Variants in NRXN3 observed in about 807,000 individuals in gnomAD.
NRXN3 encodes neurexin 3.
NRXN3 carries 32 observed loss-of-function variants against 137.6 expected under a neutral mutation model. The ratio of observed to expected loss-of-function variants is 0.23; its 90% CI spans 0.18 to 0.31. The LOEUF (loss-of-function observed/expected upper bound fraction) is 0.31. Among genes scored for constraint, NRXN3 ranks in the 10% least tolerant of loss-of-function variants. The pLI is 1.00. For synonymous variants in NRXN3, 798 were observed against 784.5 expected (o/e 1.02, Z -0.29); for missense variants, 1,574 against 2,062.5 (o/e 0.76, Z 4.59).
intron 16 of NRXN3, among the ~76,000 whole-genome samples, chr14:79,535,197 T>C (rs2097200623): frequency 6.6e-6 from 1 of 152,140 alleles, no homozygotes; most frequent in Admixed American, 6.5e-5. Flanking sequence ...GTGGAAAGAA[T>C]TATGAAATAA....
At chr14:78,852,392 T>A (rs1021136337) in intron 10 of NRXN3, among the ~76,000 whole-genome samples, 5 of 152,216 alleles carry the variant, frequency 3.3e-5, no homozygotes. Flanking sequence ...CTTATTACTA[T>A]AATGACATGA....
Position 78,969,817 on chromosome 14 carries a change from G to C in NRXN3, c.3142+1471G>C, listed in dbSNP as rs940046138. 8.4e-4 allele frequency among the ~76,000 whole-genome samples: 56 copies of C among 66,724 alleles called. 1 individual carries two copies. The highest frequency in any genetic ancestry group is 3.4e-3 in the African/African-American group (53 of 15,664). 43.8% of individuals were successfully genotyped at this position (66,724 alleles called of 152,430 possible). A position where few individuals can be genotyped will look rare whatever the true frequency, so the allele number is the denominator to read the frequency against. On this transcript the variant is annotated intron_variant, in intron 14 of 20. Coordinates refer to ENST00000335750, the MANE Select transcript of NRXN3 (RefSeq NM_001330195.2). ...AAATATGGTGTTTGTACTATGTAGTGTGTGTGTGTGTGTGTGTGTGTGTGT... is the reference window on the plus strand; with the variant it reads ...AAATATGGTGTTTGTACTATGTAGTCTGTGTGTGTGTGTGTGTGTGTGTGT...
At chr14:79,758,435 G>A (rs1020811230) in intron 19 of NRXN3, among the ~76,000 whole-genome samples, 17 of 152,012 alleles carry the variant, frequency 1.1e-4, no homozygotes, top group Admixed American at 7.2e-4. Flanking sequence ...AGGAGGTTCA[G>A]GCAGTTTTTA....
intron 4 of NRXN3, among the ~76,000 whole-genome samples, chr14:78,357,672 G>T (rs2084518713): frequency 6.6e-6 from 1 of 152,110 alleles, no homozygotes; most frequent in African/African-American, 2.4e-5. Flanking sequence ...CTCAATATAG[G>T]CATGGAATAG....
At chr14:79,485,388 A>C (rs1601001692) in intron 16 of NRXN3, among the ~76,000 whole-genome samples, 1 of 151,944 alleles carries the variant, frequency 6.6e-6, no homozygotes, top group African/African-American at 2.4e-5. Context: ...TTTTTCTTCC[A>C]TTGCTTTAGG....
Position 78,432,895 on chromosome 14 carries a change from G to A in NRXN3, c.757+135035G>A, listed in dbSNP as rs936327858. Among the ~76,000 whole-genome samples the A allele has an allele frequency of 6.6e-5, 10 of 152,322 alleles. 1 individual carries two copies. Among genetic ancestry groups the A allele is most frequent in the African/African-American group, 9.6e-5 (4 of 41,578 alleles). The stretch of plus-strand genomic sequence containing the variant: ...TTCACGTGATCCTGTAAGAAGACCC[G>A]TCAGGGAAGAGATCTAAGGGTTGGA... On this transcript the variant is annotated intron_variant, in intron 4 of 20. Coordinates refer to ENST00000335750, the MANE Select transcript of NRXN3 (RefSeq NM_001330195.2).
intron 6 of NRXN3, among the ~76,000 whole-genome samples, chr14:78,676,878 C>T (rs2152730798): frequency 6.6e-6 from 1 of 152,198 alleles, no homozygotes; most frequent in Admixed American, 6.5e-5. Flanking sequence ...ATCTACTCTG[C>T]CTGTACTCTG....
intron 6 of NRXN3, among the ~76,000 whole-genome samples, chr14:78,660,155 TGACA>T (rs893272861): frequency 6.6e-6 from 1 of 151,932 alleles, no homozygotes; most frequent in African/African-American, 2.4e-5. Flanking sequence ...TTCGGTGCTG[TGACA>T]GACAGAGAGT....
At chr14:78,213,861 A>T (rs1428916323) in intron 1 of NRXN3, among the ~76,000 whole-genome samples, 2 of 152,222 alleles carry the variant, frequency 1.3e-5, no homozygotes, top group Non-Finnish European at 2.9e-5. Context: ...ACCCGGGGAC[A>T]GCTATAGTGA....
chr14:78,977,470 A>G (rs2099471921), intron 14 of NRXN3, among the ~76,000 whole-genome samples: 1 of 152,176 alleles, frequency 6.6e-6, no homozygotes, highest in Non-Finnish European at 1.5e-5. Flanking sequence ...AAAACAAGGA[A>G]AAGCAGACAG....
intron 10 of NRXN3, among the ~76,000 whole-genome samples, chr14:78,847,908 G>A (rs2099032010): frequency 6.6e-6 from 1 of 152,112 alleles, no homozygotes; most frequent in Non-Finnish European, 1.5e-5. Context: ...ACTGTCAGAG[G>A]ATTTAGGAAA....
At chr14:79,303,024 C>T (rs996902952) in intron 15 of NRXN3, among the ~76,000 whole-genome samples, 4 of 151,942 alleles carry the variant, frequency 2.6e-5, no homozygotes, top group East Asian at 2.0e-4. Context: ...ACATCCAAAC[C>T]GTATCAACAG....
intron 15 of NRXN3, among the ~76,000 whole-genome samples, chr14:79,448,443 A>C (rs975018745): frequency 1.3e-5 from 2 of 152,234 alleles, no homozygotes; most frequent in Non-Finnish European, 2.9e-5. Context: ...GATCTCTATT[A>C]AGTCAAGGAC....
At chr14:78,255,521 G>T (rs746330715) in intron 2 of NRXN3, among the ~76,000 whole-genome samples, 4 of 152,194 alleles carry the variant, frequency 2.6e-5, no homozygotes, top group Non-Finnish European at 4.4e-5. Flanking sequence ...TATAACCAGT[G>T]GCTACATTTT....
chr14:78,526,224 C>G (rs115832773), intron 4 of NRXN3, among the ~76,000 whole-genome samples: 7 of 152,190 alleles, frequency 4.6e-5, no homozygotes, highest in African/African-American at 1.7e-4. Flanking sequence ...TAGGCTGATA[C>G]GATCAGAAAG....
At chr14:79,576,321 T>C (rs2097664547) in intron 16 of NRXN3, among the ~76,000 whole-genome samples, 1 of 152,162 alleles carries the variant, frequency 6.6e-6, no homozygotes, top group South Asian at 2.1e-4. Context: ...TACCTTCTTA[T>C]GCACAAATAG....
At chr14:78,844,541 A>G (rs73319783) in intron 10 of NRXN3, among the ~76,000 whole-genome samples, 4,180 of 152,176 alleles carry the variant, frequency 0.027, 212 homozygotes, top group African/African-American at 0.095. Context: ...AATGAGAATA[A>G]TAACGCCTAA....
rs78261669 is a variant in NRXN3 at position 78,748,390 on chromosome 14, A to G, written c.2044+33251A>G. On this transcript the variant is annotated intron_variant, in intron 8 of 20. Transcript: ENST00000335750. ...AAAACAGAAAATACAGTATGGCCAG[A>G]AGGCAGAACTCAAAGGAGAATGAGA... 4.9e-3 allele frequency among the ~76,000 whole-genome samples: 748 copies of G among 152,332 alleles called. 3 individuals are homozygous for G. The highest frequency in any genetic ancestry group is 0.015 in the South Asian group (71 of 4,830).
intron 6 of NRXN3, among the ~76,000 whole-genome samples, chr14:78,665,585 T>C (rs1381110742): frequency 6.6e-6 from 1 of 152,058 alleles, no homozygotes; most frequent in African/African-American, 2.4e-5. Context: ...AGATAGTGAG[T>C]TGGTCTCCAG....
Sources: gnomAD v4.1 joint callset for allele counts (sites outside exome capture counted in the v4.1 genomes callset) on GRCh38, gnomAD v4.1.1 for gene constraint, MANE v1.5 for transcripts, NCBI Gene and HGNC (gene_info 2026-07-23, HGNC 2026-07-21) for gene names.